HEATR5A: variants seen among roughly 807,000 people sequenced by gnomAD.
The protein encoded by HEATR5A is HEAT repeat containing 5A.
HEATR5A carries 178 observed loss-of-function variants against 218.8 expected under a neutral mutation model. The ratio of observed to expected loss-of-function variants is 0.81; its 90% CI spans 0.72 to 0.92. The LOEUF is 0.92. Ranked by LOEUF, HEATR5A falls within the 40% of genes least tolerant of loss-of-function variation. The pLI is 0.00. For missense variants in HEATR5A, 2,420 were observed against 2,418.9 expected, an observed-to-expected ratio of 1.00 and a Z score of -0.01; for synonymous variants, 864 against 871.6, an observed-to-expected ratio of 0.99 and a Z score of 0.15.
chr14:31,296,522 C>G (rs1899191370), intron 33 of HEATR5A: 1 of 152,614 alleles, frequency 6.6e-6, no homozygotes, highest in African/African-American at 2.4e-5. Flanking sequence ...TGAAGCAACA[C>G]AGAAATGCTT....
At chr14:31,368,740 T>TA (rs1290745952) in intron 13 of HEATR5A, among the ~76,000 whole-genome samples, 1 of 145,318 alleles carries the variant, frequency 6.9e-6, no homozygotes, top group African/African-American at 2.8e-5. Flanking sequence ...TTTATTTATT[T>TA]TGGTAGAGAT....
chr14:31,391,993 T>C (rs1214552773), intron 6 of HEATR5A, among the ~76,000 whole-genome samples: 2 of 152,368 alleles, frequency 1.3e-5, no homozygotes, highest in Non-Finnish European at 2.9e-5. Context: ...TATTAAGCTA[T>C]GCATGACTGC....
chr14:31,330,398 C>T (rs1009278125), intron 22 of HEATR5A, among the ~76,000 whole-genome samples: 2 of 152,120 alleles, frequency 1.3e-5, no homozygotes, highest in African/African-American at 4.8e-5. Context: ...GGGTCTGACC[C>T]ATAAAACCAT....
intron 2 of HEATR5A, among the ~76,000 whole-genome samples, chr14:31,402,238 T>C (rs1306784141): frequency 6.6e-6 from 1 of 152,238 alleles, no homozygotes; most frequent in East Asian, 1.9e-4. Context: ...CATATAGTAC[T>C]GTGATTATGT....
chr14:31,329,151 G>A (rs1389517131), intron 22 of HEATR5A, among the ~76,000 whole-genome samples: 1 of 152,048 alleles, frequency 6.6e-6, no homozygotes, highest in African/African-American at 2.4e-5. Context: ...TCAACAACTG[G>A]GGATTCTAAT....
At position 31,349,902 on chromosome 14, in the gene HEATR5A, T is replaced by C. The variant is rs1901160716; in HGVS notation, c.2595A>G (p.Leu865=). 1 of 1,612,038 alleles carries C rather than the reference T, an allele frequency of 6.2e-7. No individual in the cohort carries two copies. The highest frequency in any genetic ancestry group is 1.1e-5 in the South Asian group (1 of 90,744). Residue 865 remains leucine (L), a synonymous_variant, in exon 18 of 36, where the codon CTA becomes CTG. Coordinates refer to ENST00000543095, the MANE Select transcript of HEATR5A (RefSeq NM_015473.4). ...RFALTLVMGA[L]ESPNPLLRCA... The stretch of plus-strand genomic sequence containing the variant: ...ATCTCAGCAAGGGGTTGGGGCTTTC[T>C]AGGGCTCCCATAACTAATGTTAAGG...
intron 22 of HEATR5A, among the ~76,000 whole-genome samples, chr14:31,336,744 A>C (rs1900684557): frequency 6.6e-6 from 1 of 152,196 alleles, no homozygotes; most frequent in African/African-American, 2.4e-5. Context: ...TTTAAGGGCT[A>C]ATCCCATTTC....
intron 23 of HEATR5A, among the ~76,000 whole-genome samples, chr14:31,324,227 T>C (rs967368075): frequency 6.6e-6 from 1 of 152,022 alleles, no homozygotes; most frequent in Admixed American, 6.6e-5. Context: ...GAGCCTTGCA[T>C]GGATTTCAGG....
intron 1 of HEATR5A, among the ~76,000 whole-genome samples, chr14:31,413,292 T>C (rs757444097): frequency 5.9e-5 from 9 of 151,862 alleles, no homozygotes; most frequent in Non-Finnish European, 1.2e-4. Context: ...AAACAGGAGT[T>C]ACCAAGACAA....
Position 31,334,369 on chromosome 14 carries a change from C to T in HEATR5A, c.3367+3107G>A, listed in dbSNP as rs767279157. The T allele has an allele frequency of 7.5e-5, 34 of 455,100 alleles. 1 individual carries two copies. Among genetic ancestry groups the T allele is most frequent in the Middle Eastern group, 6.5e-4 (2 of 3,070 alleles). The allele number at this position is 455,100 out of a possible 1,614,324, so 28.2% of individuals were successfully genotyped here. ...GCTGCCACAGACGGATGGATCCAGG[C>T]AAAGTAACTGAAAACCTTCTGGAAA... On this transcript the variant is annotated intron_variant, in intron 22 of 35. Transcript: ENST00000543095.
intron 11 of HEATR5A, among the ~76,000 whole-genome samples, chr14:31,378,839 AT>A (rs1445574814): frequency 1.3e-5 from 2 of 151,470 alleles, no homozygotes; most frequent in Non-Finnish European, 2.9e-5. Flanking sequence ...TTCTTCATTT[AT>A]GATTGTTTAT....
intron 14 of HEATR5A, among the ~76,000 whole-genome samples, chr14:31,360,043 CATG>C (rs1038014287): frequency 5.2e-5 from 2 of 38,142 alleles, no homozygotes; most frequent in African/African-American, 1.2e-4. Flanking sequence ...ATCATAATCT[CATG>C]TTGTAAAAAA....
chr14:31,305,313 A>C, intron 31 of HEATR5A, 136 bp from the exon 32 acceptor site: 1 of 870,104 alleles, frequency 1.1e-6, no homozygotes, highest in East Asian at 2.7e-5. Context: ...CACAGGCTGG[A>C]GTGCAATGGC....
intron 28 of HEATR5A, among the ~76,000 whole-genome samples, chr14:31,310,108 T>C (rs1226786341): frequency 6.6e-6 from 1 of 152,212 alleles, no homozygotes; most frequent in Non-Finnish European, 1.5e-5. Context: ...GATATGGTCT[T>C]ATACTTTCAC....
chr14:31,359,397 G>GT (rs1457407082), intron 14 of HEATR5A, among the ~76,000 whole-genome samples: 1 of 151,214 alleles, frequency 6.6e-6, no homozygotes, highest in South Asian at 2.1e-4. Context: ...AAGCAGATAT[G>GT]TTTTTTAAAA....
intron 4 of HEATR5A, among the ~76,000 whole-genome samples, chr14:31,397,188 A>G (rs1333624068): frequency 2.0e-5 from 3 of 152,072 alleles, no homozygotes; most frequent in Admixed American, 1.3e-4. Context: ...CCTATTTTTT[A>G]TTGGAATTTT....
rs372853981 is a variant in HEATR5A, at chr14:31,323,625, C to T, written c.3727G>A (p.Ala1243Thr). 1 of 1,612,048 alleles carries T rather than the reference C, an allele frequency of 6.2e-7. No individual in the cohort carries two copies. Among genetic ancestry groups the T allele is most frequent in the African/African-American group, 1.3e-5 (1 of 74,966 alleles). ...VCRIINQCEN[A>T]NSAHFDIALA... Reference sequence around the variant, plus strand: ...GCAATGTCAAAATGTGCACTGTTAGCATTCTCACATTGGTTAATTATCCTA... The same window carrying T: ...GCAATGTCAAAATGTGCACTGTTAGTATTCTCACATTGGTTAATTATCCTA... Residue 1243 changes from alanine (A) to threonine (T), a missense_variant, in exon 24 of 36, where the codon GCT becomes ACT. Transcript: ENST00000543095.
chr14:31,323,569 T>C lies in HEATR5A; in HGVS notation c.3783A>G (p.Ser1261=). ...TTTCATCACTATGTCACTTACTTCT[T>C]GAATCTCTTTTTTTCATTTCTTGTG... ...ALAQEMKKRD[S]RNDFLVLHLA... is the part of the protein sequence containing the mutation. Residue 1261 remains serine (S), a synonymous_variant, in exon 24 of 36, where the codon TCA becomes TCG. Transcript: ENST00000543095. 1 of 1,593,814 alleles carries C rather than the reference T, an allele frequency of 6.3e-7. No individual in the cohort carries two copies. Among genetic ancestry groups the C allele is most frequent in the Non-Finnish European group, 8.6e-7 (1 of 1,168,850 alleles).
chr14:31,383,396 T>G, intron 10 of HEATR5A, 125 bp downstream of exon 10: 1 of 842,094 alleles, frequency 1.2e-6, no homozygotes. Flanking sequence ...AAATTGTAAA[T>G]GTACTTATAT....
Sources: allele counts gnomAD v4.1 joint callset (sites outside exome capture counted in the v4.1 genomes callset), GRCh38; gene constraint gnomAD v4.1.1; transcripts MANE v1.5; gene names NCBI Gene and HGNC (gene_info 2026-07-23, HGNC 2026-07-21).